Variants in REXO1 observed in about 807,000 individuals in gnomAD.
REXO1 encodes the protein RNA exonuclease 1 homolog.
A neutral mutation model predicts 102.6 loss-of-function variants in REXO1; 42 were observed. The ratio of observed to expected loss-of-function variants is 0.41; its 90% confidence interval spans 0.32 to 0.53. The LOEUF (loss-of-function observed/expected upper bound fraction) is 0.53. Among genes scored for constraint, REXO1 ranks in the 20% least tolerant of loss-of-function variants. The pLI, the probability that REXO1 is intolerant of heterozygous loss-of-function variation, is 0.27. For synonymous variants in REXO1, 908 were observed against 779.1 expected, an observed-to-expected ratio of 1.17 and a Z score of -2.76; for missense variants, 1,819 against 1,732.5, an observed-to-expected ratio of 1.05 and a Z score of -0.89.
intron 1 of REXO1, among the ~76,000 whole-genome samples, chr19:1,835,315 G>A (rs947379015): frequency 1.3e-5 from 2 of 152,038 alleles, no homozygotes; most frequent in Non-Finnish European, 2.9e-5. Flanking sequence ...AGGCGGAGGC[G>A]GGAGGATCAC....
intron 10 of REXO1, 82 bp from the exon 11 acceptor site, chr19:1,817,862 G>T: frequency 8.7e-7 from 1 of 1,154,012 alleles, no homozygotes; most frequent in Non-Finnish European, 1.3e-6. Context: ...TGCATCTACC[G>T]AGCCCTACTA....
chr19:1,830,811 C>G (rs2069880610), intron 1 of REXO1: 1 of 179,160 alleles, frequency 5.6e-6, no homozygotes, highest in African/African-American at 2.4e-5. Flanking sequence ...TCCTCAGAAC[C>G]CGTGCCACAG....
Position 1,819,112 on chromosome 19 carries a change from A to G in REXO1, c.2670T>C (p.Val890=). The part of the protein sequence containing the change: ...PGLSKTSGRR[V]VSHEVVLGGR... Reference sequence around the variant, plus strand: ...CCCCCAACACCACCTCGTGGGACACAACCCTGCGGCCACTGGTTTCTGGAA... The same window carrying G: ...CCCCCAACACCACCTCGTGGGACACGACCCTGCGGCCACTGGTTTCTGGAA... The change falls in exon 8 of 16, where the codon GTT becomes GTC. Residue 890 remains valine (V), a synonymous_variant. Coordinates refer to ENST00000170168, the MANE Select transcript of REXO1 (RefSeq NM_020695.4). 6.3e-7 allele frequency: 1 copy of G among 1,579,286 alleles called. No homozygotes were observed. The highest frequency in any genetic ancestry group is 8.6e-7 in the Non-Finnish European group (1 of 1,160,304).
chr19:1,835,655 G>A (rs2070019252), intron 1 of REXO1, among the ~76,000 whole-genome samples: 1 of 152,220 alleles, frequency 6.6e-6, no homozygotes, highest in South Asian at 2.1e-4. Context: ...ACTTTGGATA[G>A]GAGCAGGTGG....
intron 1 of REXO1, among the ~76,000 whole-genome samples, chr19:1,842,214 A>C (rs889881940): frequency 4.1e-5 from 5 of 121,410 alleles, no homozygotes; most frequent in African/African-American, 2.0e-4. Context: ...ATTCCGTTGC[A>C]AAAAAAAAAA....
rs777179911 is a variant in REXO1, at chr19:1,821,645, G to A, written c.2268C>T (p.Gly756=). The A allele has an allele frequency of 2.0e-5, 33 of 1,613,080 alleles. No individual in the cohort carries two copies. Among genetic ancestry groups the A allele is most frequent in the Non-Finnish European group, 2.8e-5 (33 of 1,179,788 alleles). The change falls in exon 5 of 16, where the codon GGC becomes GGT. Residue 756 remains glycine (G), a synonymous_variant. Transcript: ENST00000170168. The part of the protein sequence containing the change: ...TGAKRTLAAS[G]SQSSNGPEPG... ...GCTCAGGGCCGTTGGAGGACTGGCT[G>A]CCGCTGGCCGCAAGGGTCCTCTTGG... is the stretch of plus-strand genomic sequence containing the variant.
rs540778636 is a variant in REXO1, at chr19:1,828,024, G to A, written c.765C>T (p.Ala255=). 51 of 1,612,726 alleles carry A rather than the reference G, an allele frequency of 3.2e-5. No individual in the cohort carries two copies. In the South Asian group the frequency reaches 3.3e-4, roughly 10 times the overall value. ...LSRASSRDER[A]AKRPRGSRGS... ...CGCGGGAGCCCCGGGGCCGCTTGGC[G>A]GCCCGCTCATCCCGGGAGCTGGCCC... Residue 255 remains alanine, a synonymous_variant, in exon 2 of 16, where the codon GCC becomes GCT. Transcript: ENST00000170168.
chr19:1,837,349 G>A (rs1378934414), intron 1 of REXO1, among the ~76,000 whole-genome samples: 2 of 152,166 alleles, frequency 1.3e-5, no homozygotes, highest in South Asian at 2.1e-4. Context: ...TTGGACATGC[G>A]GGCGCCCGGG....
At chr19:1,820,120 G>A in intron 6 of REXO1, 63 bp from the exon 7 acceptor site, 3 of 1,574,316 alleles carry the variant, frequency 1.9e-6, no homozygotes, top group Admixed American at 4.1e-5. Flanking sequence ...CCCCAGCGGT[G>A]GGGTCGCCAT....
intron 1 of REXO1, among the ~76,000 whole-genome samples, chr19:1,847,680 G>C (rs2011609256): frequency 6.6e-6 from 1 of 152,232 alleles, no homozygotes. Context: ...AGTCATGCTG[G>C]ACACAGGGCT....
intron 1 of REXO1, among the ~76,000 whole-genome samples, chr19:1,845,289 G>A (rs979295551): frequency 3.3e-5 from 5 of 152,152 alleles, no homozygotes; most frequent in Non-Finnish European, 2.9e-5. Flanking sequence ...ACATCCCTGC[G>A]TCCCAGGGCT....
At chr19:1,817,368 G>A (rs766234108) in intron 11 of REXO1, 39 bp from the exon 12 acceptor site, 47 of 1,606,794 alleles carry the variant, frequency 2.9e-5, no homozygotes, top group Non-Finnish European at 4.0e-5. Context: ...GCTTCGGGGT[G>A]CAGTGGGGGC....
At chr19:1,833,161 G>C (rs1252599738) in intron 1 of REXO1, among the ~76,000 whole-genome samples, 1 of 152,184 alleles carries the variant, frequency 6.6e-6, no homozygotes, top group African/African-American at 2.4e-5. Flanking sequence ...AGAGGTCAAG[G>C]CTTCAATGAG....
intron 2 of REXO1, 36 bp from the exon 3 acceptor site, chr19:1,825,979 C>T: frequency 1.3e-6 from 2 of 1,501,148 alleles, no homozygotes; most frequent in Non-Finnish European, 1.9e-6. Context: ...ACAGGTCTGC[C>T]CTCGCTGCCA....
intron 4 of REXO1, 33 bp from the exon 5 acceptor site, chr19:1,821,715 G>A (rs200252658): frequency 3.7e-5 from 58 of 1,583,704 alleles, no homozygotes; most frequent in East Asian, 2.7e-4. Context: ...GGCACAGGGC[G>A]AGTGGCTGCC....
At chr19:1,833,433 C>T (rs1350289469) in intron 1 of REXO1, among the ~76,000 whole-genome samples, 4 of 152,206 alleles carry the variant, frequency 2.6e-5, no homozygotes, top group African/African-American at 7.2e-5. Context: ...GCCCAGCAGG[C>T]GCAGAGGGGC....
At chr19:1,833,618 G>C (rs539543936) in intron 1 of REXO1, among the ~76,000 whole-genome samples, 2 of 152,318 alleles carry the variant, frequency 1.3e-5, no homozygotes, top group East Asian at 3.9e-4. Flanking sequence ...CCCACCCAGG[G>C]GGAGGGCTGC....
In REXO1 at chr19:1,819,855, A is replaced by G; in HGVS notation, c.2650+79T>C. On this transcript the variant is annotated intron_variant, in intron 7 of 15. Coordinates refer to ENST00000170168, the MANE Select transcript of REXO1 (RefSeq NM_020695.4). ...ACTGTGGCTGAGCTCAGGGCTGTGA[A>G]GGTCCCAGCGAGGGTCCCAGCCCAG... The G allele has an allele frequency of 2.2e-6, 3 of 1,387,230 alleles. No individual in the cohort carries two copies. In the South Asian group the frequency reaches 4.5e-5, roughly 21 times the overall value. 85.9% of individuals were successfully genotyped at this position (1,387,230 alleles called of 1,614,324 possible).
intron 1 of REXO1, among the ~76,000 whole-genome samples, chr19:1,839,965 T>C (rs2011212524): frequency 6.6e-6 from 1 of 152,228 alleles, no homozygotes; most frequent in South Asian, 2.1e-4. Flanking sequence ...GAGGCAGTGC[T>C]GGCTCCCTTT....
Sources: allele counts gnomAD v4.1 joint callset (sites outside exome capture counted in the v4.1 genomes callset), GRCh38; gene constraint gnomAD v4.1.1; transcripts MANE v1.5; gene names NCBI Gene and HGNC (gene_info 2026-07-23, HGNC 2026-07-21).